The following CNGA1 variants were observed in gnomAD, a reference collection of about 807,000 sequenced individuals.
CNGA1 encodes the protein cyclic nucleotide-gated channel alpha-1.
In CNGA1, 53 loss-of-function variants were observed where a neutral mutation model predicts 69.7. The ratio of observed to expected loss-of-function variants is 0.76; its 90% confidence interval spans 0.61 to 0.96. CNGA1 has a LOEUF of 0.96. CNGA1 is among the 40% of genes least tolerant of loss of function. The probability of loss-of-function intolerance (pLI) is 0.00; values close to 1 mark genes in which losing one functional copy is unlikely to be tolerated. For missense variants in CNGA1, 739 were observed against 811.2 expected (o/e 0.91, Z 1.08); for synonymous variants, 249 against 283.5 (o/e 0.88, Z 1.22).
chr4:47,947,635 G>A (rs540728751), intron 6 of CNGA1, among the ~76,000 whole-genome samples: 14 of 151,978 alleles, frequency 9.2e-5, no homozygotes, highest in East Asian at 5.8e-4. Context: ...GCACCACTGC[G>A]CTCCAGCACA....
chr4:47,998,544 A>G (rs1714504544), intron 2 of CNGA1, among the ~76,000 whole-genome samples: 1 of 152,092 alleles, frequency 6.6e-6, no homozygotes, highest in African/African-American at 2.4e-5. Flanking sequence ...GTAGGCTGAG[A>G]TGGGCAGATC....
chr4:47,955,152 T>G (rs538958306), intron 3 of CNGA1, among the ~76,000 whole-genome samples: 62 of 150,110 alleles, frequency 4.1e-4, no homozygotes, highest in African/African-American at 1.5e-3. Flanking sequence ...AATTTCTTTT[T>G]CTCTGTCTCT....
At chr4:47,967,098 T>G (rs1409270751) in intron 3 of CNGA1, among the ~76,000 whole-genome samples, 3 of 151,714 alleles carry the variant, frequency 2.0e-5, no homozygotes, top group Non-Finnish European at 4.4e-5. Context: ...AGGTCAGGAG[T>G]TGGAGACCAA....
At chr4:47,997,890 C>T (rs780793040) in intron 2 of CNGA1, among the ~76,000 whole-genome samples, 6 of 152,094 alleles carry the variant, frequency 3.9e-5, no homozygotes, top group Non-Finnish European at 8.8e-5. Flanking sequence ...CCCAATAAAC[C>T]TATCATAAAT....
chr4:47,952,512 G>A, intron 4 of CNGA1, 71 bp downstream of exon 4: 1 of 1,517,136 alleles, frequency 6.6e-7, no homozygotes, highest in Non-Finnish European at 9.1e-7. Context: ...AAGCTAAATT[G>A]AAATTAAATC....
Position 47,937,619 on chromosome 4 carries a change from G to A in CNGA1, c.863C>T (p.Thr288Ile). 5.6e-6 allele frequency: 9 copies of A among 1,614,134 alleles called. No homozygotes were observed. The highest frequency in any genetic ancestry group is 7.6e-6 in the Non-Finnish European group (9 of 1,179,998). ...FEFFQRTETRTNYPNIFRISN... is the reference protein window; with the variant it reads ...FEFFQRTETRINYPNIFRISN... ...AATCCTGAAGATGTTTGGATAGTTT[G>A]TCCTTGTTTCTGTTCTCTGGAAGAA... Residue 288 changes from threonine (T) to isoleucine (I), a missense_variant, in exon 11 of 11, where the codon ACA becomes ATA. Thr to Ile is a moderately conservative substitution (Grantham distance 89). Transcript: ENST00000514170.
At chr4:47,977,402 A>C (rs1414404819) in intron 3 of CNGA1, among the ~76,000 whole-genome samples, 2 of 152,126 alleles carry the variant, frequency 1.3e-5, no homozygotes, top group African/African-American at 2.4e-5. Flanking sequence ...TTGATCTTGG[A>C]CTTCAGCCTC....
chr4:47,939,730 T>A (rs1738952638), intron 10 of CNGA1, among the ~76,000 whole-genome samples: 1 of 152,210 alleles, frequency 6.6e-6, no homozygotes, highest in African/African-American at 2.4e-5. Context: ...GGAAACGCCA[T>A]ATACATATTG....
At chr4:47,980,781 GT>G (rs200080616) in intron 3 of CNGA1, among the ~76,000 whole-genome samples, 1 of 151,600 alleles carries the variant, frequency 6.6e-6, no homozygotes, top group Non-Finnish European at 1.5e-5. Context: ...GCCAATAACT[GT>G]TTTTTCTGAT....
intron 5 of CNGA1, among the ~76,000 whole-genome samples, chr4:47,950,940 A>G (rs1333128381): frequency 6.6e-6 from 1 of 152,234 alleles, no homozygotes; most frequent in Non-Finnish European, 1.5e-5. Flanking sequence ...AAGAAGGATC[A>G]GAGAGAAACA....
In CNGA1 at chr4:47,936,436, G is replaced by A. The variant is rs746972635; in HGVS notation, c.2046C>T (p.Pro682=). The change falls in exon 11 of 11, where the codon CCC becomes CCT. Residue 682 remains proline (P), a synonymous_variant. Transcript: ENST00000514170. ...CTTTTCGGTTCTATGTAGAGTCGAT[G>A]GGCCCACTTTCCGCTCCAGGTCCCT... ...SIEGPGAESG[P]IDST 6.2e-7 allele frequency: 1 copy of A among 1,614,106 alleles called. No individual in the cohort carries two copies.
At chr4:48,003,938 C>A (rs537897791) in intron 2 of CNGA1, among the ~76,000 whole-genome samples, 99 of 152,262 alleles carry the variant, frequency 6.5e-4, no homozygotes, top group African/African-American at 2.3e-3. Context: ...TATCCTCCAC[C>A]TCTTGTGGAA....
At chr4:47,951,311 A>C (rs757510231) in intron 5 of CNGA1, 42 bp downstream of exon 5, 9 of 1,291,350 alleles carry the variant, frequency 7.0e-6, no homozygotes, top group Non-Finnish European at 1.0e-5. Context: ...TTAAGCATAA[A>C]TGGTTAAAAA....
chr4:48,001,353 C>A (rs928436505), intron 2 of CNGA1, among the ~76,000 whole-genome samples: 1 of 152,098 alleles, frequency 6.6e-6, no homozygotes, highest in Admixed American at 6.6e-5. Context: ...CCTGTAATCC[C>A]AGCTACTTGG....
At chr4:47,974,709 GTT>G (rs35156293) in intron 3 of CNGA1, among the ~76,000 whole-genome samples, 1 of 147,268 alleles carries the variant, frequency 6.8e-6, no homozygotes, top group Non-Finnish European at 1.5e-5. Flanking sequence ...GCAGAACTAA[GTT>G]TTTTTTTTTT....
At chr4:47,965,398 G>A (rs1048164101) in intron 3 of CNGA1, among the ~76,000 whole-genome samples, 1 of 151,356 alleles carries the variant, frequency 6.6e-6, no homozygotes, top group East Asian at 1.9e-4. Flanking sequence ...ACACTTCTAT[G>A]ATAAACACTT....
At chr4:47,984,166 A>T (rs999687160) in intron 2 of CNGA1, among the ~76,000 whole-genome samples, 1 of 152,186 alleles carries the variant, frequency 6.6e-6, no homozygotes, top group Non-Finnish European at 1.5e-5. Flanking sequence ...ATTGCCTCTA[A>T]CAGTGATAGC....
chr4:47,942,173 G>T, intron 8 of CNGA1, 25 bp from the exon 9 acceptor site: 1 of 1,372,478 alleles, frequency 7.3e-7, no homozygotes, highest in Non-Finnish European at 1.0e-6. Flanking sequence ...AAATAAAGGG[G>T]ATAGTTACCA....
At chr4:47,951,226 T>TG in intron 5 of CNGA1, 127 bp downstream of exon 5, 1 of 685,344 alleles carries the variant, frequency 1.5e-6, no homozygotes, top group South Asian at 1.5e-5. Context: ...ACGCTAAGCA[T>TG]GTGGGAGTTA....
Sources: allele counts gnomAD v4.1 joint callset (sites outside exome capture counted in the v4.1 genomes callset), GRCh38; gene constraint gnomAD v4.1.1; transcripts MANE v1.5; gene names NCBI Gene and HGNC (gene_info 2026-07-23, HGNC 2026-07-21).